Variants in ADCY2 observed in about 807,000 individuals in gnomAD.
ADCY2 encodes the protein adenylate cyclase type 2.
Under a neutral mutation model 125.2 loss-of-function variants are expected in ADCY2, and 31 were observed. That is an observed-to-expected ratio of 0.25 (90% CI 0.19 to 0.33). The LOEUF (loss-of-function observed/expected upper bound fraction) is 0.33. ADCY2 is among the 10% of genes least tolerant of loss of function. The probability of loss-of-function intolerance (pLI) is 1.00; values close to 1 mark genes in which losing one functional copy is unlikely to be tolerated. For synonymous variants in ADCY2, 512 were observed against 548.4 expected, an observed-to-expected ratio of 0.93 and a Z score of 0.93; for missense variants, 904 against 1,418.2, an observed-to-expected ratio of 0.64 and a Z score of 5.82.
At chr5:7,722,233 T>C (rs1454985559) in intron 12 of ADCY2, among the ~76,000 whole-genome samples, 1 of 152,154 alleles carries the variant, frequency 6.6e-6, no homozygotes, top group Admixed American at 6.5e-5. Flanking sequence ...AGCCTGATCC[T>C]GAGCCCTTGC....
chr5:7,648,894 A>G (rs1253270287), intron 4 of ADCY2, among the ~76,000 whole-genome samples: 1 of 152,200 alleles, frequency 6.6e-6, no homozygotes, highest in African/African-American at 2.4e-5. Context: ...GCAAACAGTG[A>G]TAGCTCAGAA....
At chr5:7,585,071 A>C (rs986827718) in intron 3 of ADCY2, among the ~76,000 whole-genome samples, 1 of 152,248 alleles carries the variant, frequency 6.6e-6, no homozygotes, top group African/African-American at 2.4e-5. Flanking sequence ...CAGACATAGT[A>C]TATAAGAGGT....
intron 22 of ADCY2, among the ~76,000 whole-genome samples, chr5:7,816,516 G>A (rs1004830815): frequency 5.3e-5 from 8 of 152,234 alleles, no homozygotes; most frequent in East Asian, 1.9e-4. Context: ...CGGCTGTGGA[G>A]GGGAAAGGAG....
At chr5:7,509,201 A>G (rs867369273) in intron 2 of ADCY2, among the ~76,000 whole-genome samples, 1 of 152,222 alleles carries the variant, frequency 6.6e-6, no homozygotes, top group East Asian at 1.9e-4. Context: ...AAATGCATGT[A>G]TATTGTAGAG....
chr5:7,791,659 A>T (rs540985120), intron 20 of ADCY2, among the ~76,000 whole-genome samples: 1 of 152,138 alleles, frequency 6.6e-6, no homozygotes, highest in Non-Finnish European at 1.5e-5. Context: ...TACAATGTCT[A>T]TTAAAGGGCC....
chr5:7,731,170 T>A (rs1423542074), intron 14 of ADCY2, among the ~76,000 whole-genome samples: 1 of 152,130 alleles, frequency 6.6e-6, no homozygotes, highest in Non-Finnish European at 1.5e-5. Context: ...ATCTAAGAAG[T>A]CTATGTTGTT....
chr5:7,709,780 C>T lies in ADCY2; in HGVS notation c.1578+393C>T, dbSNP rs1053160375. On this transcript the variant is annotated intron_variant, in intron 10 of 24. Coordinates refer to ENST00000338316, the MANE Select transcript of ADCY2 (RefSeq NM_020546.3). The surrounding 1 kb of genome is among the most constrained non-coding windows in gnomAD (Gnocchi z 4.4). ...GGAGTTTAAGTAGTATCATCAAGCC[C>T]ATTTCTTCATTGCCCAAATGTCCAG... 2.0e-5 allele frequency among the ~76,000 whole-genome samples: 3 copies of T among 152,168 alleles called. No homozygotes were observed. The highest frequency in any genetic ancestry group is 7.2e-5 in the African/African-American group (3 of 41,440).
intron 2 of ADCY2, among the ~76,000 whole-genome samples, chr5:7,456,687 GTTGTA>G (rs1296966743): frequency 2.6e-5 from 4 of 152,154 alleles, no homozygotes; most frequent in Non-Finnish European, 5.9e-5. Context: ...ATCATAAACT[GTTGTA>G]TTGGGGGTAA....
intron 12 of ADCY2, among the ~76,000 whole-genome samples, chr5:7,724,071 G>A (rs1741855530): frequency 1.5e-5 from 2 of 130,134 alleles, no homozygotes; most frequent in South Asian, 5.2e-4. Flanking sequence ...AAAGCACTCT[G>A]ATGGTTTGGA....
intron 4 of ADCY2, chr5:7,657,955 G>C (rs1739395037): frequency 6.6e-6 from 1 of 152,302 alleles, no homozygotes; most frequent in Non-Finnish European, 1.5e-5. Context: ...ATGGACGGGA[G>C]GGACCATTCA....
At position 7,706,754 on chromosome 5, in the gene ADCY2, G is replaced by T; in HGVS notation, c.1120G>T (p.Asp374Tyr). ...DMCEAIKKVR[D>Y]ATGVDINMRV... The stretch of plus-strand genomic sequence containing the variant: ...TTCCCTTCTCTTTAGGAAAGTGAGG[G>T]ATGCTACTGGAGTTGATATCAACAT... Residue 374 changes from aspartate to tyrosine, a missense_variant, in exon 8 of 25, where the codon GAT becomes TAT. Physicochemically the swap from Asp to Tyr is radical, Grantham distance 160 (BLOSUM62 -3). Coordinates refer to ENST00000338316, the MANE Select transcript of ADCY2 (RefSeq NM_020546.3). 2 of 1,614,168 alleles carry T rather than the reference G, an allele frequency of 1.2e-6. No individual in the cohort carries two copies. Among genetic ancestry groups the T allele is most frequent in the Non-Finnish European group, 1.7e-6 (2 of 1,179,998 alleles).
chr5:7,481,793 T>G (rs1397853083), intron 2 of ADCY2, among the ~76,000 whole-genome samples: 2 of 152,048 alleles, frequency 1.3e-5, no homozygotes, highest in African/African-American at 4.8e-5. Flanking sequence ...TGTGTGTGTG[T>G]GTGCAGAAGC....
At chr5:7,635,649 G>T (rs1168756604) in intron 4 of ADCY2, among the ~76,000 whole-genome samples, 1 of 152,122 alleles carries the variant, frequency 6.6e-6, no homozygotes, top group African/African-American at 2.4e-5. Flanking sequence ...AAAGTCATCA[G>T]CATATAGTTC....
At chr5:7,795,310 G>A (rs917765344) in intron 20 of ADCY2, 3 of 152,256 alleles carry the variant, frequency 2.0e-5, no homozygotes, top group Admixed American at 2.0e-4. Context: ...TGCAAAACTT[G>A]AGAATCACTG....
At chr5:7,593,527 G>T (rs1736912229) in intron 3 of ADCY2, among the ~76,000 whole-genome samples, 1 of 151,956 alleles carries the variant, frequency 6.6e-6, no homozygotes, top group African/African-American at 2.4e-5. Context: ...CAACAGGGAT[G>T]GAGCGTAGGA....
At chr5:7,781,361 C>T (rs1271550904) in intron 18 of ADCY2, among the ~76,000 whole-genome samples, 4 of 152,176 alleles carry the variant, frequency 2.6e-5, no homozygotes, top group Non-Finnish European at 5.9e-5. Flanking sequence ...GAAATAGAAT[C>T]TTTGCAAGTG....
At chr5:7,583,815 G>A (rs1406024987) in intron 3 of ADCY2, among the ~76,000 whole-genome samples, 5 of 152,050 alleles carry the variant, frequency 3.3e-5, no homozygotes, top group Non-Finnish European at 1.5e-5. Flanking sequence ...AGCAAAAACT[G>A]GGAACAGCTG....
intron 2 of ADCY2, among the ~76,000 whole-genome samples, chr5:7,480,903 C>G (rs549048375): frequency 6.6e-6 from 1 of 152,218 alleles, no homozygotes; most frequent in East Asian, 1.9e-4. Flanking sequence ...ACTTGGGTTG[C>G]GTCCAAATCT....
intron 22 of ADCY2, among the ~76,000 whole-genome samples, chr5:7,808,801 C>G (rs1249889868): frequency 6.6e-6 from 1 of 152,188 alleles, no homozygotes; most frequent in African/African-American, 2.4e-5. Flanking sequence ...TAGCAAATCC[C>G]TTGCCAGGAG....
Sources: gnomAD v4.1 joint callset for allele counts (sites outside exome capture counted in the v4.1 genomes callset) on GRCh38, gnomAD v4.1.1 for gene constraint, Gnocchi (gnomAD v3.1) non-coding constraint, MANE v1.5 for transcripts, NCBI Gene and HGNC (gene_info 2026-07-23, HGNC 2026-07-21) for gene names.